The following ZNF366 variants were observed in gnomAD, a reference collection of about 807,000 sequenced individuals.
ZNF366 encodes zinc finger protein 366.
In ZNF366, 20 loss-of-function variants were observed where a neutral mutation model predicts 47.2. That is an observed-to-expected ratio of 0.42 (90% CI 0.30 to 0.62). The LOEUF (loss-of-function observed/expected upper bound fraction) is 0.62. Ranked by LOEUF, ZNF366 falls within the 20% of genes least tolerant of loss-of-function variation. The probability of loss-of-function intolerance (pLI) is 0.16; values close to 1 mark genes in which losing one functional copy is unlikely to be tolerated. For missense variants in ZNF366, 987 were observed against 976.3 expected (o/e 1.01, Z -0.15); for synonymous variants, 421 against 395.1 (o/e 1.07, Z -0.78).
At chr5:72,503,351 C>G (rs929388189) in intron 1 of ZNF366, among the ~76,000 whole-genome samples, 6 of 152,124 alleles carry the variant, frequency 3.9e-5, no homozygotes, top group Admixed American at 6.5e-5. Context: ...CATTTAAAAG[C>G]ATGGCTCTTA....
At chr5:72,459,639 C>T (rs2112326795) in intron 2 of ZNF366, among the ~76,000 whole-genome samples, 1 of 152,360 alleles carries the variant, frequency 6.6e-6, no homozygotes, top group East Asian at 1.9e-4. Flanking sequence ...CCCTGCCGGC[C>T]TCAGCCAAGC....
At chr5:72,489,579 C>A (rs1374428087) in intron 1 of ZNF366, among the ~76,000 whole-genome samples, 1 of 152,248 alleles carries the variant, frequency 6.6e-6, no homozygotes, top group Non-Finnish European at 1.5e-5. Flanking sequence ...TACCAAATTT[C>A]TCTGCTCCAT....
chr5:72,480,491 C>T (rs533895566), intron 1 of ZNF366, among the ~76,000 whole-genome samples: 25 of 152,084 alleles, frequency 1.6e-4, no homozygotes, highest in Non-Finnish European at 3.2e-4. Context: ...CACAATCCCC[C>T]TGTCTTGGTG....
In ZNF366 at chr5:72,443,815, T is replaced by C; in HGVS notation, c.2176A>G (p.Ser726Gly). ...TTCCTCTCCAGTAATTCTTTCAAAC[T>C]CTCATCTCTGTGCTTGAAGTATAAG... Reference protein sequence around the residue: ...DYLYFKHRDESLKELLERKME... With the variant: ...DYLYFKHRDEGLKELLERKME... The change falls in exon 5 of 5, where the codon AGT (serine) becomes GGT (glycine). Residue 726 changes from serine (S) to glycine (G), a missense_variant. Transcript: ENST00000318442. The C allele has an allele frequency of 1.2e-6, 2 of 1,614,182 alleles. No homozygotes were observed. Among genetic ancestry groups the C allele is most frequent in the African/African-American group, 1.3e-5 (1 of 75,036 alleles).
intron 2 of ZNF366, among the ~76,000 whole-genome samples, chr5:72,456,906 G>A (rs1308900764): frequency 2.0e-5 from 3 of 152,058 alleles, no homozygotes; most frequent in Non-Finnish European, 4.4e-5. Context: ...GGATTAACAG[G>A]CTTTTAGTAA....
At position 72,456,431 on chromosome 5, in the gene ZNF366, G is replaced by A. The variant is rs1743186578; in HGVS notation, c.1497C>T (p.His499=). Residue 499 remains histidine (H), a synonymous_variant, in exon 3 of 5, where the codon CAC becomes CAT. Transcript: ENST00000318442. ...TGCATTTGAAAGGCTTCACGTCAGA[G>A]TGGACGATCATGTGTGCCTTGAGGG... ...KQTLKAHMIV[H]SDVKPFKCKL... 1.5e-5 allele frequency: 24 copies of A among 1,611,626 alleles called. No homozygotes were observed. Among genetic ancestry groups the A allele is most frequent in the Non-Finnish European group, 2.0e-5 (24 of 1,178,016 alleles).
intron 1 of ZNF366, among the ~76,000 whole-genome samples, chr5:72,464,015 G>A (rs1279374056): frequency 1.3e-5 from 2 of 152,138 alleles, no homozygotes; most frequent in African/African-American, 2.4e-5. Context: ...GCTCAGATTG[G>A]AAAAGTCTCT....
chr5:72,467,912 G>C (rs758796869), intron 1 of ZNF366, among the ~76,000 whole-genome samples: 9 of 152,172 alleles, frequency 5.9e-5, no homozygotes, highest in Admixed American at 1.3e-4. Context: ...GCAGTGTGAA[G>C]AGAAGCAAAG....
intron 1 of ZNF366, among the ~76,000 whole-genome samples, chr5:72,497,074 C>T (rs1404052698): frequency 1.3e-5 from 2 of 152,082 alleles, no homozygotes; most frequent in Non-Finnish European, 2.9e-5. Context: ...AATATTTTCT[C>T]CTAGTTTGCC....
chr5:72,461,070 C>T lies in ZNF366; in HGVS notation c.427G>A (p.Glu143Lys), dbSNP rs1481820249. The T allele has an allele frequency of 2.5e-6, 4 of 1,613,948 alleles. No homozygotes were observed. The highest frequency in any genetic ancestry group is 3.4e-6 in the Non-Finnish European group (4 of 1,180,026). Residue 143 changes from glutamate (E) to lysine (K), a missense_variant, in exon 2 of 5, where the codon GAA becomes AAA. By Grantham distance (56) the Glu-to-Lys change is moderately conservative. Around this residue, in one of 3 missense-constraint regions of ZNF366, gnomAD observed 591 missense variants for 560.9 expected, o/e 1.05. Transcript: ENST00000318442. ...NVGFQFYRSL[E>K]HFGGKPVKQE... ...TTGACGGGCTTGCCCCCAAAGTGTT[C>T]CAGGCTGCGGTAGAATTGGAAGCCC...
intron 1 of ZNF366, among the ~76,000 whole-genome samples, chr5:72,464,195 C>T (rs919994859): frequency 2.6e-5 from 4 of 152,136 alleles, no homozygotes; most frequent in Non-Finnish European, 4.4e-5. Flanking sequence ...TGGGCCAAAA[C>T]GTACTGAGTT....
Position 72,478,103 on chromosome 5 carries a change from G to A in ZNF366, c.-14-16593C>T, listed in dbSNP as rs577438328. 2.0e-5 allele frequency among the ~76,000 whole-genome samples: 3 copies of A among 152,214 alleles called. No homozygotes were observed. The East Asian group carries it at 5.8e-4, about 29-fold the overall frequency. On this transcript the variant is annotated intron_variant, in intron 1 of 4. Coordinates refer to ENST00000318442, the MANE Select transcript of ZNF366 (RefSeq NM_152625.3). The stretch of plus-strand genomic sequence containing the variant: ...GACATTTCAGTGAGTAGGATTGTAA[G>A]ACTACATAAGCAACCTTCAGGGGAA...
At chr5:72,473,960 T>C (rs1743620478) in intron 1 of ZNF366, among the ~76,000 whole-genome samples, 1 of 152,222 alleles carries the variant, frequency 6.6e-6, no homozygotes, top group African/African-American at 2.4e-5. Flanking sequence ...GGTTTGTCTG[T>C]GGCTTGAAGA....
intron 1 of ZNF366, chr5:72,493,635 T>C (rs1483366362): frequency 1.3e-5 from 2 of 152,256 alleles, no homozygotes; most frequent in Non-Finnish European, 2.9e-5. Flanking sequence ...TTCAGCGGAT[T>C]CCAGACTTCT....
intron 1 of ZNF366, among the ~76,000 whole-genome samples, chr5:72,465,031 C>G (rs1227815402): frequency 6.6e-6 from 1 of 151,668 alleles, no homozygotes; most frequent in Non-Finnish European, 1.5e-5. Context: ...GCACTCTAGT[C>G]TGGGTGACAG....
At chr5:72,465,306 G>T (rs756629644) in intron 1 of ZNF366, among the ~76,000 whole-genome samples, 1 of 152,118 alleles carries the variant, frequency 6.6e-6, no homozygotes, top group African/African-American at 2.4e-5. Flanking sequence ...CAGGTGATAA[G>T]GAGAAGCCCG....
At chr5:72,456,348 C>T in intron 3 of ZNF366, 56 bp downstream of exon 3, 1 of 1,536,214 alleles carries the variant, frequency 6.5e-7, no homozygotes, top group Non-Finnish European at 8.8e-7. Flanking sequence ...CCTGGGGACC[C>T]TTTCCCATCA....
rs763213485 is a variant in ZNF366 at position 72,444,112 on chromosome 5, C to G, written c.1879G>C (p.Glu627Gln). The change falls in exon 5 of 5, where the codon GAG becomes CAG. Residue 627 changes from glutamate to glutamine, a missense_variant. Coordinates refer to ENST00000318442, the MANE Select transcript of ZNF366 (RefSeq NM_152625.3). ...AGGCCAGGGCTGTAGGGCTCCACCT[C>G]GTAGCAGTTATCCTCCTCTTCCTCC... ...HEEEEEDNCY[E>Q]VEPYSPGLAP... 6.2e-7 allele frequency: 1 copy of G among 1,614,034 alleles called. No homozygotes were observed. The highest frequency in any genetic ancestry group is 2.2e-5 in the East Asian group (1 of 44,882).
chr5:72,489,155 C>T (rs867569261), intron 1 of ZNF366, among the ~76,000 whole-genome samples: 2 of 151,982 alleles, frequency 1.3e-5, no homozygotes, highest in Middle Eastern at 6.8e-3. Context: ...GTGGGTGGAT[C>T]ACTTGAGCCC....
Sources: gnomAD v4.1 joint callset for allele counts (sites outside exome capture counted in the v4.1 genomes callset) on GRCh38, gnomAD v4.1.1 for gene constraint, gnomAD v4.1.1 regional missense constraint, MANE v1.5 for transcripts, NCBI Gene and HGNC (gene_info 2026-07-23, HGNC 2026-07-21) for gene names.